The following LRMDA variants were observed in gnomAD, a reference collection of about 807,000 sequenced individuals.
LRMDA encodes leucine-rich melanocyte differentiation-associated protein.
In LRMDA, 18 loss-of-function variants were observed where a neutral mutation model predicts 29.8. The observed-to-expected ratio is 0.60, with a 90% confidence interval of 0.42 to 0.90. LRMDA has a LOEUF of 0.90. LRMDA is among the 40% of genes least tolerant of loss of function. The pLI is 0.00. For missense variants in LRMDA, 273 were observed against 273.9 expected, an observed-to-expected ratio of 1.00 and a Z score of 0.02; for synonymous variants, 125 against 109.4, an observed-to-expected ratio of 1.14 and a Z score of -0.89.
chr10:76,035,685 TG>T (rs1424728328), intron 2 of LRMDA, among the ~76,000 whole-genome samples: 1 of 152,174 alleles, frequency 6.6e-6, no homozygotes, highest in African/African-American at 2.4e-5. Context: ...CGAGGCTGGG[TG>T]CCTGAAGGCA....
At chr10:76,305,891 G>A (rs1481600899) in intron 5 of LRMDA, among the ~76,000 whole-genome samples, 1 of 152,052 alleles carries the variant, frequency 6.6e-6, no homozygotes, top group Non-Finnish European at 1.5e-5. Flanking sequence ...TTTGAAAAAA[G>A]AAAATAAAGG....
At chr10:76,367,212 T>G (rs1177326917) in intron 6 of LRMDA, among the ~76,000 whole-genome samples, 4 of 152,136 alleles carry the variant, frequency 2.6e-5, no homozygotes. Flanking sequence ...ATCTGTAGTT[T>G]TCTTTTTTGG....
intron 6 of LRMDA, among the ~76,000 whole-genome samples, chr10:76,355,671 T>A (rs1841230946): frequency 1.3e-5 from 2 of 152,166 alleles, no homozygotes; most frequent in Admixed American, 6.6e-5. Flanking sequence ...ATATATTTGG[T>A]TGAGGGGCTG....
intron 6 of LRMDA, among the ~76,000 whole-genome samples, chr10:76,393,612 A>G (rs771951315): frequency 6.6e-6 from 1 of 152,094 alleles, no homozygotes; most frequent in East Asian, 1.9e-4. Context: ...TCTGTAGGTT[A>G]TCTTTTCACT....
At chr10:75,470,858 T>C (rs1004071630) in intron 2 of LRMDA, among the ~76,000 whole-genome samples, 7 of 152,326 alleles carry the variant, frequency 4.6e-5, no homozygotes, top group African/African-American at 1.7e-4. Flanking sequence ...ACTGGTGACT[T>C]AGGCCAGCCC....
chr10:76,116,598 C>T (rs113229119), intron 5 of LRMDA, among the ~76,000 whole-genome samples: 192 of 152,260 alleles, frequency 1.3e-3, no homozygotes, highest in African/African-American at 4.6e-3. Flanking sequence ...CCCTCTTTCC[C>T]TTCCTAGAAG....
At chr10:75,846,157 T>C (rs1256445708) in intron 2 of LRMDA, among the ~76,000 whole-genome samples, 1 of 146,310 alleles carries the variant, frequency 6.8e-6, no homozygotes, top group Non-Finnish European at 1.5e-5. Context: ...GTTGCTTTTG[T>C]TACTTATTTG....
intron 2 of LRMDA, among the ~76,000 whole-genome samples, chr10:75,680,990 GC>G (rs1193007329): frequency 2.0e-5 from 3 of 152,090 alleles, no homozygotes; most frequent in African/African-American, 7.2e-5. Context: ...TGTCTTTTTA[GC>G]ATATTAAATA....
intron 2 of LRMDA, among the ~76,000 whole-genome samples, chr10:75,516,157 A>G (rs962759221): frequency 7.2e-5 from 11 of 152,248 alleles, no homozygotes; most frequent in South Asian, 2.1e-4. Flanking sequence ...TAGTGCTGCA[A>G]TAAACATATG....
chr10:75,912,035 T>C lies in LRMDA; in HGVS notation c.132-123973T>C, dbSNP rs567600887. Among the ~76,000 whole-genome samples the C allele has an allele frequency of 4.3e-4, 66 of 152,244 alleles. No homozygotes were observed. The South Asian group carries it at 0.012, about 28-fold the overall frequency. ...GGCCAGAGAAGCAGGAGTTGGTGGA[T>C]TAAAAACTCTGTTATTTTTCATGGG... On this transcript the variant is annotated intron_variant, in intron 2 of 6. Transcript: ENST00000611255.
At chr10:75,819,879 C>T (rs1339634406) in intron 2 of LRMDA, among the ~76,000 whole-genome samples, 1 of 151,968 alleles carries the variant, frequency 6.6e-6, no homozygotes, top group Non-Finnish European at 1.5e-5. Context: ...TGAGATGTGC[C>T]ATAAGTGTAA....
chr10:75,762,817 T>C (rs1044302688), intron 2 of LRMDA, among the ~76,000 whole-genome samples: 2 of 152,194 alleles, frequency 1.3e-5, no homozygotes, highest in African/African-American at 4.8e-5. Flanking sequence ...TGTGGTCTCA[T>C]ATATATATGA....
At chr10:75,431,820 A>G in intron 1 of LRMDA, 66 bp downstream of exon 1, 1 of 1,279,420 alleles carries the variant, frequency 7.8e-7, no homozygotes, top group Non-Finnish European at 9.9e-7. Flanking sequence ...AGCGGGGCAC[A>G]GAGGCTCCCC....
At chr10:76,341,261 G>A (rs1253628770) in intron 6 of LRMDA, among the ~76,000 whole-genome samples, 4 of 152,102 alleles carry the variant, frequency 2.6e-5, no homozygotes, top group Admixed American at 1.3e-4. Flanking sequence ...TAGCTATATA[G>A]CAAAATAAAG....
intron 2 of LRMDA, among the ~76,000 whole-genome samples, chr10:75,544,166 G>A (rs1439395217): frequency 6.6e-6 from 1 of 152,100 alleles, no homozygotes; most frequent in African/African-American, 2.4e-5. Flanking sequence ...AAGTTTTGAT[G>A]GTGAACCTAC....
intron 5 of LRMDA, among the ~76,000 whole-genome samples, chr10:76,271,118 G>C (rs1018365737): frequency 6.6e-6 from 1 of 152,152 alleles, no homozygotes; most frequent in Non-Finnish European, 1.5e-5. Context: ...ATGTAATCAA[G>C]AATTCCTACC....
chr10:76,126,646 A>G (rs1013684028), intron 5 of LRMDA, among the ~76,000 whole-genome samples: 10 of 151,938 alleles, frequency 6.6e-5, no homozygotes. Context: ...TCCTTTTTCC[A>G]TCTTGCAATA....
chr10:76,361,911 A>G (rs1299113209), intron 6 of LRMDA, among the ~76,000 whole-genome samples: 3 of 152,158 alleles, frequency 2.0e-5, no homozygotes. Context: ...AAATATTCCC[A>G]AAAGTTAAAT....
intron 2 of LRMDA, among the ~76,000 whole-genome samples, chr10:75,642,068 A>G (rs1403224361): frequency 1.3e-5 from 2 of 152,210 alleles, no homozygotes; most frequent in Non-Finnish European, 2.9e-5. Context: ...TTTCCTTCAA[A>G]GACCATTACG....
Sources: gnomAD v4.1 joint callset for allele counts (sites outside exome capture counted in the v4.1 genomes callset) on GRCh38, gnomAD v4.1.1 for gene constraint, MANE v1.5 for transcripts, NCBI Gene and HGNC (gene_info 2026-07-23, HGNC 2026-07-21) for gene names.